The following ADAMTS17 variants were observed in gnomAD, a reference collection of about 807,000 sequenced individuals.
ADAMTS17 encodes ADAM metallopeptidase with thrombospondin type 1 motif 17.
In ADAMTS17, 113 loss-of-function variants were observed where a neutral mutation model predicts 141.5. That is an observed-to-expected ratio of 0.80 (90% CI 0.69 to 0.93). The LOEUF is 0.93. Among genes scored for constraint, ADAMTS17 ranks in the 40% least tolerant of loss-of-function variants. The pLI is 0.00. For synonymous variants in ADAMTS17, 768 were observed against 630.6 expected (o/e 1.22, Z -3.27); for missense variants, 1,659 against 1,517.9 (o/e 1.09, Z -1.54).
chr15:100,152,105 G>A (rs1243064510), intron 10 of ADAMTS17, among the ~76,000 whole-genome samples: 5 of 152,230 alleles, frequency 3.3e-5, no homozygotes, highest in African/African-American at 1.2e-4. Flanking sequence ...CTCAACAAGC[G>A]GTAACTGTTT....
At chr15:100,163,447 T>C (rs936122541) in intron 8 of ADAMTS17, among the ~76,000 whole-genome samples, 1 of 152,108 alleles carries the variant, frequency 6.6e-6, no homozygotes, top group Non-Finnish European at 1.5e-5. Flanking sequence ...TTATACAACA[T>C]GGGCAGGAGG....
At chr15:100,295,507 T>C (rs965697689) in intron 3 of ADAMTS17, among the ~76,000 whole-genome samples, 6 of 152,180 alleles carry the variant, frequency 3.9e-5, no homozygotes, top group Non-Finnish European at 5.9e-5. Context: ...AGCCTCCCCA[T>C]GCTCCCTCAG....
At chr15:100,134,362 C>T (rs1403093727) in intron 10 of ADAMTS17, among the ~76,000 whole-genome samples, 2 of 152,226 alleles carry the variant, frequency 1.3e-5, no homozygotes, top group Non-Finnish European at 2.9e-5. Context: ...GCCTCACAGT[C>T]TGAAAATTGA....
At chr15:100,211,903 A>G (rs2041821307) in intron 7 of ADAMTS17, among the ~76,000 whole-genome samples, 1 of 152,188 alleles carries the variant, frequency 6.6e-6, no homozygotes, top group African/African-American at 2.4e-5. Context: ...AAATTGGTAT[A>G]TTGGCCATTT....
At chr15:100,336,984 C>CT (rs1337400012) in intron 2 of ADAMTS17, among the ~76,000 whole-genome samples, 1 of 152,200 alleles carries the variant, frequency 6.6e-6, no homozygotes, top group African/African-American at 2.4e-5. Context: ...AGCGATTCTC[C>CT]TGCCTCAGCC....
rs1340813333 is a variant in ADAMTS17, at chr15:99,971,578, A to G, written c.*2824T>C. The G allele has an allele frequency of 1.3e-5, 2 of 152,240 alleles. No homozygotes were observed. The highest frequency in any genetic ancestry group is 4.8e-5 in the African/African-American group (2 of 41,448). 9.4% of individuals were successfully genotyped at this position (152,240 alleles called of 1,614,324 possible). On this transcript the variant is annotated 3_prime_UTR_variant, in exon 22 of 22. Coordinates refer to ENST00000268070, the MANE Select transcript of ADAMTS17 (RefSeq NM_139057.4). ...TTTCAAAACCAGCCCCAAAAAGTAA[A>G]ACAAAAATTCCATGGGTACAGTATG... is the stretch of plus-strand genomic sequence containing the variant.
intron 18 of ADAMTS17, among the ~76,000 whole-genome samples, chr15:100,039,844 AG>A (rs1324330827): frequency 1.3e-5 from 2 of 152,148 alleles, no homozygotes; most frequent in Admixed American, 6.5e-5. Context: ...TATTACTGTT[AG>A]GTATTTATTC....
chr15:100,045,812 T>C (rs543149330), intron 18 of ADAMTS17, among the ~76,000 whole-genome samples: 61 of 152,294 alleles, frequency 4.0e-4, no homozygotes, highest in Non-Finnish European at 7.5e-4. Flanking sequence ...CATGGGTAAT[T>C]CAATTCCATG....
At chr15:100,210,206 G>A (rs570858406) in intron 7 of ADAMTS17, among the ~76,000 whole-genome samples, 6 of 135,106 alleles carry the variant, frequency 4.4e-5, no homozygotes, top group Admixed American at 3.1e-4. Context: ...ACTCCAGCCT[G>A]GGAGACAAAG....
intron 4 of ADAMTS17, among the ~76,000 whole-genome samples, chr15:100,277,871 A>G (rs557245830): frequency 3.3e-5 from 5 of 152,392 alleles, no homozygotes; most frequent in Admixed American, 3.3e-4. Context: ...CAGTAGCAAA[A>G]GGTAGAAACA....
chr15:99,995,526 C>A (rs541731092), intron 19 of ADAMTS17, among the ~76,000 whole-genome samples: 1 of 152,282 alleles, frequency 6.6e-6, no homozygotes, highest in Admixed American at 6.5e-5. Context: ...AGGGGCGGGG[C>A]CTGCAAGCTG....
chr15:100,003,231 A>C (rs1166848627), intron 18 of ADAMTS17, among the ~76,000 whole-genome samples: 1 of 152,068 alleles, frequency 6.6e-6, no homozygotes. Flanking sequence ...CCCTTGCTCC[A>C]CGCCCTTCCT....
At chr15:100,170,348 A>AC (rs2040113596) in intron 8 of ADAMTS17, among the ~76,000 whole-genome samples, 1 of 152,150 alleles carries the variant, frequency 6.6e-6, no homozygotes, top group Non-Finnish European at 1.5e-5. Flanking sequence ...CCTCATCTGA[A>AC]CCTATGTGGA....
chr15:100,292,236 C>T (rs369194393), intron 3 of ADAMTS17, among the ~76,000 whole-genome samples: 11 of 151,818 alleles, frequency 7.2e-5, no homozygotes, highest in South Asian at 2.1e-4. Flanking sequence ...TCACGAGAGA[C>T]GCTCACCCCG....
chr15:100,259,973 T>C (rs2043459950), intron 6 of ADAMTS17, among the ~76,000 whole-genome samples: 1 of 152,154 alleles, frequency 6.6e-6, no homozygotes, highest in Non-Finnish European at 1.5e-5. Flanking sequence ...GCCTCCCAAG[T>C]AGCTGGGATT....
intron 8 of ADAMTS17, among the ~76,000 whole-genome samples, chr15:100,162,870 A>G (rs1359093675): frequency 7.0e-6 from 1 of 142,096 alleles, no homozygotes; most frequent in South Asian, 2.2e-4. Flanking sequence ...GTATATATAT[A>G]ACTATATGTA....
intron 4 of ADAMTS17, among the ~76,000 whole-genome samples, chr15:100,262,804 A>G (rs74039115): frequency 6.7e-6 from 1 of 150,220 alleles, no homozygotes; most frequent in Non-Finnish European, 1.5e-5. Flanking sequence ...AAAACAAAAA[A>G]CCTAAAGAAT....
intron 8 of ADAMTS17, among the ~76,000 whole-genome samples, chr15:100,156,948 G>A (rs2039464700): frequency 6.6e-6 from 1 of 152,202 alleles, no homozygotes; most frequent in African/African-American, 2.4e-5. Context: ...TTGAAACTGG[G>A]CAATTTTTAA....
chr15:100,059,745 G>T (rs2032969006), intron 15 of ADAMTS17, among the ~76,000 whole-genome samples: 1 of 152,190 alleles, frequency 6.6e-6, no homozygotes. Context: ...GGCAGCTTGG[G>T]TTGCTCTCCT....
Sources: gnomAD v4.1 joint callset for allele counts (sites outside exome capture counted in the v4.1 genomes callset) on GRCh38, gnomAD v4.1.1 for gene constraint, MANE v1.5 for transcripts, NCBI Gene and HGNC (gene_info 2026-07-23, HGNC 2026-07-21) for gene names.